Variants in ZNF407 observed in about 807,000 individuals in gnomAD.
ZNF407 encodes zinc finger protein 407.
ZNF407 carries 17 observed loss-of-function variants against 131.2 expected under a neutral mutation model. That is an observed-to-expected ratio of 0.13 (90% CI 0.09 to 0.19). The LOEUF is 0.19. Among genes scored for constraint, ZNF407 ranks in the 10% least tolerant of loss-of-function variants. The pLI is 1.00. For missense variants in ZNF407, 2,681 were observed against 2,830.6 expected, an observed-to-expected ratio of 0.95 and a Z score of 1.20; for synonymous variants, 1,156 against 1,062.0, an observed-to-expected ratio of 1.09 and a Z score of -1.72.
intron 8 of ZNF407, among the ~76,000 whole-genome samples, chr18:74,967,832 C>G (rs1186484888): frequency 1.3e-5 from 2 of 152,210 alleles, no homozygotes; most frequent in Non-Finnish European, 2.9e-5. Flanking sequence ...GGTTATAACT[C>G]AAATTTCTGG....
At chr18:75,024,280 G>C (rs1246433809) in intron 8 of ZNF407, among the ~76,000 whole-genome samples, 1 of 152,154 alleles carries the variant, frequency 6.6e-6, no homozygotes, top group Non-Finnish European at 1.5e-5. Context: ...TGTTAGGACT[G>C]ATTAACTTAC....
intron 8 of ZNF407, among the ~76,000 whole-genome samples, chr18:74,955,680 T>C (rs747058548): frequency 6.6e-6 from 1 of 152,204 alleles, no homozygotes; most frequent in Non-Finnish European, 1.5e-5. Flanking sequence ...CAAGTAACCC[T>C]GTTTTCCAAG....
chr18:74,991,841 T>C (rs955522312), intron 8 of ZNF407, among the ~76,000 whole-genome samples: 1 of 152,240 alleles, frequency 6.6e-6, no homozygotes, highest in Non-Finnish European at 1.5e-5. Flanking sequence ...GGAGTATTCC[T>C]TGCTTCTAGT....
intron 3 of ZNF407, among the ~76,000 whole-genome samples, chr18:74,766,356 A>G (rs1369906746): frequency 2.6e-5 from 4 of 152,144 alleles, no homozygotes; most frequent in Non-Finnish European, 5.9e-5. Context: ...TCTTAAACTT[A>G]CCCATGAGGT....
chr18:74,623,164 G>C (rs900454864), intron 1 of ZNF407, among the ~76,000 whole-genome samples: 1 of 151,944 alleles, frequency 6.6e-6, no homozygotes, highest in Non-Finnish European at 1.5e-5. Flanking sequence ...GTGCGTGTGT[G>C]TGTACGTGTG....
intron 8 of ZNF407, among the ~76,000 whole-genome samples, chr18:75,060,526 G>A (rs1407588637): frequency 2.3e-5 from 2 of 88,510 alleles, no homozygotes; most frequent in Non-Finnish European, 4.4e-5. Flanking sequence ...TTTTTTTTGC[G>A]ACGGAGTCTC....
chr18:74,707,854 CA>C (rs1192080042), intron 3 of ZNF407, among the ~76,000 whole-genome samples: 16 of 152,056 alleles, frequency 1.1e-4, no homozygotes. Context: ...GTGATGCATT[CA>C]AAAAATATTT....
At chr18:74,783,881 C>T (rs369830666) in intron 4 of ZNF407, among the ~76,000 whole-genome samples, 3 of 152,174 alleles carry the variant, frequency 2.0e-5, no homozygotes, top group Non-Finnish European at 4.4e-5. Context: ...TTGTTTTTGA[C>T]GTCTGCTTAT....
intron 8 of ZNF407, among the ~76,000 whole-genome samples, chr18:74,924,270 A>G (rs894144982): frequency 5.9e-5 from 9 of 152,152 alleles, no homozygotes; most frequent in African/African-American, 2.2e-4. Flanking sequence ...AGTTGTGTTC[A>G]GTTTGAGAAA....
intron 8 of ZNF407, among the ~76,000 whole-genome samples, chr18:75,054,139 G>A (rs368004044): frequency 2.6e-5 from 4 of 152,358 alleles, no homozygotes; most frequent in Middle Eastern, 3.4e-3. Context: ...TTCATTTTAA[G>A]GCATAGAGAA....
intron 4 of ZNF407, among the ~76,000 whole-genome samples, chr18:74,795,853 A>G (rs1351006018): frequency 6.6e-6 from 1 of 152,236 alleles, no homozygotes; most frequent in Non-Finnish European, 1.5e-5. Context: ...TACCAGTGTA[A>G]TAAAAGTCAC....
intron 3 of ZNF407, among the ~76,000 whole-genome samples, chr18:74,755,632 A>G (rs1422904309): frequency 1.1e-4 from 13 of 119,218 alleles, no homozygotes; most frequent in Non-Finnish European, 1.6e-4. Context: ...TCTGTTGCCC[A>G]GGCTGGAGTG....
intron 8 of ZNF407, among the ~76,000 whole-genome samples, chr18:74,954,454 T>C (rs1271453882): frequency 6.6e-6 from 1 of 152,186 alleles, no homozygotes; most frequent in Non-Finnish European, 1.5e-5. Context: ...TAAAAAATGT[T>C]GGGCAAAGGA....
At chr18:74,710,121 C>T (rs776115595) in intron 3 of ZNF407, among the ~76,000 whole-genome samples, 31 of 152,056 alleles carry the variant, frequency 2.0e-4, no homozygotes, top group Non-Finnish European at 4.1e-4. Context: ...CTTTTTAACC[C>T]GGTTTTGAAT....
At chr18:74,980,368 C>T (rs1262061591) in intron 8 of ZNF407, among the ~76,000 whole-genome samples, 2 of 151,312 alleles carry the variant, frequency 1.3e-5, no homozygotes, top group Admixed American at 6.6e-5. Flanking sequence ...AGTGCAACGG[C>T]GTGACCTCAG....
chr18:74,994,804 C>T (rs966043845), intron 8 of ZNF407, among the ~76,000 whole-genome samples: 1 of 152,122 alleles, frequency 6.6e-6, no homozygotes, highest in Non-Finnish European at 1.5e-5. Flanking sequence ...GGGCAGTGAG[C>T]GGCCACAGCA....
rs1320500087 is a variant in ZNF407, at chr18:75,063,973, C to T, written c.6252C>T (p.Leu2084=). The T allele has an allele frequency of 3.7e-6, 6 of 1,613,570 alleles. No individual in the cohort carries two copies. In the South Asian group the frequency reaches 5.5e-5, roughly 15 times the overall value. ...TCAAGAAGATGGTCCAGGGCGTCCTCCAGTTTGCTGTGTGTGACACGGCCG... is the reference window on the plus strand; with the variant it reads ...TCAAGAAGATGGTCCAGGGCGTCCTTCAGTTTGCTGTGTGTGACACGGCCG... ...VAFKKMVQGV[L]QFAVCDTAAA... is the part of the protein sequence containing the mutation. Residue 2084 remains leucine (L), a synonymous_variant, in exon 9 of 9, where the codon CTC becomes CTT. Coordinates refer to ENST00000299687, the MANE Select transcript of ZNF407 (RefSeq NM_017757.3). This position sits in a 1 kb window ranked among gnomAD's most constrained non-coding sequence, Gnocchi z 6.6.
chr18:75,013,411 A>G (rs913512417), intron 8 of ZNF407, among the ~76,000 whole-genome samples: 3 of 152,094 alleles, frequency 2.0e-5, no homozygotes, highest in Non-Finnish European at 4.4e-5. Flanking sequence ...AAGAATCTCT[A>G]CTTACTTGGG....
At chr18:74,986,922 A>G (rs1324522206) in intron 8 of ZNF407, among the ~76,000 whole-genome samples, 2 of 152,198 alleles carry the variant, frequency 1.3e-5, no homozygotes, top group East Asian at 3.8e-4. Context: ...TTTCTTATAC[A>G]TTCTTTAACA....
Sources: gnomAD v4.1 joint callset for allele counts (sites outside exome capture counted in the v4.1 genomes callset) on GRCh38, gnomAD v4.1.1 for gene constraint, Gnocchi (gnomAD v3.1) non-coding constraint, MANE v1.5 for transcripts, NCBI Gene and HGNC (gene_info 2026-07-23, HGNC 2026-07-21) for gene names.